NAV3: variants seen among roughly 807,000 people sequenced by gnomAD.
NAV3 encodes neuron navigator 3.
In NAV3, 87 loss-of-function variants were observed where a neutral mutation model predicts 244.7. That is an observed-to-expected ratio of 0.36 (90% confidence interval 0.30 to 0.42). The LOEUF is 0.42. Ranked by LOEUF, NAV3 falls within the 20% of genes least tolerant of loss-of-function variation. NAV3 has a pLI of 1.00. For synonymous variants in NAV3, 1,126 were observed against 1,042.2 expected, an observed-to-expected ratio of 1.08 and a Z score of -1.55; for missense variants, 2,663 against 2,893.3, an observed-to-expected ratio of 0.92 and a Z score of 1.83.
At chr12:77,684,305 A>G (rs1874612952) in intron 2 of NAV3, among the ~76,000 whole-genome samples, 1 of 152,142 alleles carries the variant, frequency 6.6e-6, no homozygotes. Context: ...TTTAGATAAT[A>G]TGGATACAAG....
In NAV3 at chr12:78,172,456, G is replaced by A. The variant is rs1185435817; in HGVS notation, c.4982-2850G>A. On this transcript the variant is annotated intron_variant, in intron 24 of 39. Coordinates refer to ENST00000397909, the MANE Select transcript of NAV3 (RefSeq NM_001024383.2). ...GTCTCCATAGAACTTTTAGTCTAGTGGGAGAGCAGAAGGTAAAGGAATGTA... is the reference window on the plus strand; with the variant it reads ...GTCTCCATAGAACTTTTAGTCTAGTAGGAGAGCAGAAGGTAAAGGAATGTA... 4.6e-4 allele frequency among the ~76,000 whole-genome samples: 69 copies of A among 151,568 alleles called. No individual in the cohort carries two copies. The Admixed American group carries it at 4.6e-3, about 10-fold the overall frequency.
In NAV3 at chr12:78,146,963, A is replaced by T. The variant is rs117526468; in HGVS notation, c.4707+571A>T. Reference sequence around the variant, plus strand: ...AATACTATTTTAATTTCCCTTGGTAAAACATTTGTCCTGGTCAAAGAGAGC... The same window carrying T: ...AATACTATTTTAATTTCCCTTGGTATAACATTTGTCCTGGTCAAAGAGAGC... On this transcript the variant is annotated intron_variant, in intron 21 of 39. Transcript: ENST00000397909. Among the ~76,000 whole-genome samples the T allele has an allele frequency of 2.2e-3, 342 of 152,234 alleles. 11 individuals carry two copies. The East Asian group carries it at 0.05, about 22-fold the overall frequency.
intron 33 of NAV3, 40 bp from the exon 34 acceptor site, chr12:78,189,944 A>G: frequency 1.4e-6 from 2 of 1,451,724 alleles, no homozygotes; most frequent in Non-Finnish European, 1.9e-6. Flanking sequence ...TAGCTTATGT[A>G]GAACAATAAA....
intron 1 of NAV3, among the ~76,000 whole-genome samples, chr12:77,880,653 C>A (rs964508324): frequency 6.6e-5 from 10 of 152,212 alleles, no homozygotes; most frequent in Admixed American, 5.9e-4. Flanking sequence ...GATTGTGGTA[C>A]CATAAGATTA....
At chr12:78,184,816 G>T (rs1212524953) in intron 30 of NAV3, among the ~76,000 whole-genome samples, 1 of 151,542 alleles carries the variant, frequency 6.6e-6, no homozygotes, top group Non-Finnish European at 1.5e-5. Flanking sequence ...TATTAAGCAT[G>T]GTTCTATGAT....
At chr12:77,677,493 G>T (rs1238426353) in intron 2 of NAV3, among the ~76,000 whole-genome samples, 1 of 152,064 alleles carries the variant, frequency 6.6e-6, no homozygotes. Flanking sequence ...TTCATTTTGT[G>T]CCAGCCCAGC....
rs2136602685 is a variant in NAV3 at position 78,007,429 on chromosome 12, G to A, written c.1891G>A (p.Ala631Thr). The change falls in exon 8 of 40, where the codon GCA becomes ACA. Residue 631 changes from alanine (A) to threonine (T), a missense_variant. Coordinates refer to ENST00000397909, the MANE Select transcript of NAV3 (RefSeq NM_001024383.2). ...TAGCCACCCGAATACCGCGACAGTG[G>A]CACCATTCATTTACAGGTAAGGTGG... is the stretch of plus-strand genomic sequence containing the variant. ...QHSHPNTATVAPFIYRAHSEN... is the reference protein window; with the variant it reads ...QHSHPNTATVTPFIYRAHSEN... 4 of 1,613,370 alleles carry A rather than the reference G, an allele frequency of 2.5e-6. No homozygotes were observed. The highest frequency in any genetic ancestry group is 2.2e-5 in the South Asian group (2 of 91,020).
intron 39 of NAV3, among the ~76,000 whole-genome samples, chr12:78,208,140 T>C (rs541683270): frequency 6.6e-5 from 10 of 152,134 alleles, no homozygotes; most frequent in Non-Finnish European, 7.4e-5. Flanking sequence ...GAGAGCCTCA[T>C]GCTGCATGAA....
At chr12:78,017,006 G>A (rs1876331192) in intron 8 of NAV3, among the ~76,000 whole-genome samples, 1 of 152,046 alleles carries the variant, frequency 6.6e-6, no homozygotes, top group Non-Finnish European at 1.5e-5. Context: ...AAACTGCAGG[G>A]TAGTAGTTAA....
chr12:77,907,380 A>G lies in NAV3; in HGVS notation c.244-32939A>G, dbSNP rs373208895. 1.4e-4 allele frequency among the ~76,000 whole-genome samples: 21 copies of G among 152,226 alleles called. 1 individual carries two copies. The South Asian group carries it at 2.1e-3, about 15-fold the overall frequency. ...TTGAACTTTGGTTGAAGTAGTTTCT[A>G]GTTGCCTCCAGGTGAGAGTTTTTGG... On this transcript the variant is annotated intron_variant, in intron 1 of 39. Coordinates refer to ENST00000397909, the MANE Select transcript of NAV3 (RefSeq NM_001024383.2).
At chr12:77,855,180 A>G (rs1878204757) in intron 1 of NAV3, among the ~76,000 whole-genome samples, 1 of 152,292 alleles carries the variant, frequency 6.6e-6, no homozygotes, top group South Asian at 2.1e-4. Context: ...CATGTGTCCT[A>G]AAGAATTCAG....
chr12:78,100,604 AATGTTTTT>A (rs1954490350), intron 12 of NAV3, among the ~76,000 whole-genome samples: 1 of 152,030 alleles, frequency 6.6e-6, no homozygotes. Flanking sequence ...GTAGCACTAA[AATGTTTTT>A]AAAACATATA....
chr12:77,668,961 C>T (rs1873840885), intron 2 of NAV3, among the ~76,000 whole-genome samples: 2 of 152,118 alleles, frequency 1.3e-5, no homozygotes, highest in African/African-American at 4.8e-5. Context: ...TCAAAAGAAA[C>T]CCTACAAGCT....
chr12:77,904,022 T>C (rs936641886), intron 1 of NAV3, among the ~76,000 whole-genome samples: 3 of 151,974 alleles, frequency 2.0e-5, no homozygotes, highest in African/African-American at 7.2e-5. Context: ...TGTGGAGAAA[T>C]AGGAACACTT....
At chr12:78,117,051 C>A in intron 13 of NAV3, 147 bp downstream of exon 13, 2 of 886,004 alleles carry the variant, frequency 2.3e-6, no homozygotes, top group Non-Finnish European at 3.3e-6. Context: ...ACTCCCTTTG[C>A]CACTCCTGAA....
intron 2 of NAV3, among the ~76,000 whole-genome samples, chr12:77,698,882 A>C (rs1158490292): frequency 6.6e-6 from 1 of 152,104 alleles, no homozygotes; most frequent in Non-Finnish European, 1.5e-5. Flanking sequence ...TTGGAATAGC[A>C]GGGGTTTGGT....
chr12:77,644,529 A>G (rs933084683), intron 2 of NAV3, among the ~76,000 whole-genome samples: 1 of 152,064 alleles, frequency 6.6e-6, no homozygotes, highest in African/African-American at 2.4e-5. Context: ...CCTCAAAAAT[A>G]TATATGTACA....
At chr12:77,966,085 C>T (rs911697769) in intron 3 of NAV3, 144 bp from the exon 4 acceptor site, 1 of 718,680 alleles carries the variant, frequency 1.4e-6, no homozygotes, top group Non-Finnish European at 2.4e-6. Context: ...CAAAATAATT[C>T]TAGTTAAACT....
At chr12:77,597,483 A>G (rs901714329) in intron 2 of NAV3, among the ~76,000 whole-genome samples, 8 of 152,086 alleles carry the variant, frequency 5.3e-5, no homozygotes, top group Non-Finnish European at 7.4e-5. Context: ...AAATATCACT[A>G]TTTTATCAAT....
Sources: gnomAD v4.1 joint callset for allele counts (sites outside exome capture counted in the v4.1 genomes callset) on GRCh38, gnomAD v4.1.1 for gene constraint, MANE v1.5 for transcripts, NCBI Gene and HGNC (gene_info 2026-07-23, HGNC 2026-07-21) for gene names.